Variants in CACNA2D2 observed in about 807,000 individuals in gnomAD.
CACNA2D2 encodes calcium voltage-gated channel auxiliary subunit alpha2delta 2.
CACNA2D2 carries 48 observed loss-of-function variants against 166.4 expected under a neutral mutation model. The ratio of observed to expected loss-of-function variants is 0.29; its 90% confidence interval spans 0.23 to 0.37. The LOEUF is 0.37. CACNA2D2 is among the 10% of genes least tolerant of loss of function. The pLI is 1.00. For synonymous variants in CACNA2D2, 561 were observed against 573.7 expected (o/e 0.98, Z 0.32); for missense variants, 1,122 against 1,433.0 (o/e 0.78, Z 3.50).
At chr3:50,478,133 C>T (rs955921719) in intron 1 of CACNA2D2, among the ~76,000 whole-genome samples, 3 of 152,190 alleles carry the variant, frequency 2.0e-5, no homozygotes, top group Non-Finnish European at 2.9e-5. Context: ...TTCCCTCCTC[C>T]GCTCCCCACC....
Position 50,367,348 on chromosome 3 carries a change from G to C in CACNA2D2, c.2401+46C>G. 1 of 1,539,340 alleles carries C rather than the reference G, an allele frequency of 6.5e-7. No individual in the cohort carries two copies. Among genetic ancestry groups the C allele is most frequent in the Non-Finnish European group, 9.0e-7 (1 of 1,114,732 alleles). On this transcript the variant is annotated intron_variant, in intron 27 of 37. Coordinates refer to ENST00000424201, the MANE Select transcript of CACNA2D2 (RefSeq NM_006030.4). This position sits in a 1 kb window ranked among gnomAD's most constrained non-coding sequence, Gnocchi z 6.5. ...CAGTTCTGGCTGAGCAGACAGGGAA[G>C]CTGAGGCTCCCTGCCTGCTGCTGGG...
In CACNA2D2 at chr3:50,365,499, C is replaced by A. The variant is rs1704205114; in HGVS notation, c.2972-17G>T. ...CCGCGGGGTCTGCGAGGGCCCAGAG[C>A]GCCTCAGCTCCGCCCACAGACCCTG... On this transcript the variant is annotated splice_polypyrimidine_tract_variant and intron_variant, in intron 34 of 37. Transcript: ENST00000424201. The surrounding 1 kb of genome is among the most constrained non-coding windows in gnomAD (Gnocchi z 4.5). The A allele has an allele frequency of 6.2e-7, 1 of 1,611,742 alleles. No individual in the cohort carries two copies. The highest frequency in any genetic ancestry group is 8.5e-7 in the Non-Finnish European group (1 of 1,179,290).
At chr3:50,378,491 C>A (rs892323453) in intron 13 of CACNA2D2, among the ~76,000 whole-genome samples, 158 bp from the exon 14 acceptor site, 1 of 152,216 alleles carries the variant, frequency 6.6e-6, no homozygotes, top group African/African-American at 2.4e-5. Context: ...CTCTGCCCTG[C>A]CAAGGGCGGT....
chr3:50,407,786 G>C (rs1169889520), intron 3 of CACNA2D2, among the ~76,000 whole-genome samples: 1 of 152,238 alleles, frequency 6.6e-6, no homozygotes, highest in Non-Finnish European at 1.5e-5. Flanking sequence ...GTATGGTTAG[G>C]CTAAGCCAGG....
intron 2 of CACNA2D2, among the ~76,000 whole-genome samples, chr3:50,440,240 G>A (rs1165321950): frequency 2.0e-5 from 3 of 152,254 alleles, no homozygotes; most frequent in Admixed American, 6.5e-5. Context: ...GCTAAGGCCT[G>A]TCCCTCACCA....
chr3:50,385,300 G>A (rs1705536371), intron 5 of CACNA2D2, among the ~76,000 whole-genome samples: 1 of 152,146 alleles, frequency 6.6e-6, no homozygotes, highest in African/African-American at 2.4e-5. Context: ...GGGCTTCCTA[G>A]GCTGATAGGA....
chr3:50,403,906 A>G (rs1706566333), intron 3 of CACNA2D2, among the ~76,000 whole-genome samples: 1 of 152,040 alleles, frequency 6.6e-6, no homozygotes. Context: ...GGTTCCCACA[A>G]TTGCCCTGGG....
At chr3:50,395,562 C>T (rs1706108834) in intron 3 of CACNA2D2, among the ~76,000 whole-genome samples, 2 of 152,238 alleles carry the variant, frequency 1.3e-5, no homozygotes. Context: ...CAGGACACCT[C>T]ACCCCCATCC....
rs752536418 is a variant in CACNA2D2 at position 50,379,140 on chromosome 3, C to T, written c.1212G>A (p.Glu404=). 3.1e-6 allele frequency: 5 copies of T among 1,613,892 alleles called. No homozygotes were observed. The highest frequency in any genetic ancestry group is 3.4e-6 in the Non-Finnish European group (4 of 1,180,010). Residue 404 remains glutamate (E), a synonymous_variant, in exon 12 of 38, where the codon GAG becomes GAA. Coordinates refer to ENST00000424201, the MANE Select transcript of CACNA2D2 (RefSeq NM_006030.4). This position sits in a 1 kb window ranked among gnomAD's most constrained non-coding sequence, Gnocchi z 6.5. ...TCTCAAAGACGTCCTGCACGCGGTC[C>T]TCACCACCATCCGTGAACATCATGA... is the stretch of plus-strand genomic sequence containing the variant. ...KMIMMFTDGG[E]DRVQDVFEKY...
intron 13 of CACNA2D2, 107 bp downstream of exon 13, chr3:50,378,808 G>T: frequency 2.3e-6 from 3 of 1,331,460 alleles, no homozygotes; most frequent in Non-Finnish European, 2.1e-6. Flanking sequence ...ACACTGTCTT[G>T]CAGCGGGTGA....
chr3:50,459,813 C>T (rs560858890), intron 2 of CACNA2D2, among the ~76,000 whole-genome samples: 1 of 152,310 alleles, frequency 6.6e-6, no homozygotes, highest in South Asian at 2.1e-4. Flanking sequence ...CTGGCTGCCT[C>T]CTGGGGAGGG....
At position 50,362,833 on chromosome 3, in the gene CACNA2D2, G is replaced by A. The variant is rs1483667260; in HGVS notation, c.*1833C>T. On this transcript the variant is annotated 3_prime_UTR_variant, in exon 38 of 38. Coordinates refer to ENST00000424201, the MANE Select transcript of CACNA2D2 (RefSeq NM_006030.4). ...AAAATATGAACATTATTTAATAACT[G>A]ATCTTCTGTAATAAACCATTTGAAA... 1 of 294,274 alleles carries A rather than the reference G, an allele frequency of 3.4e-6. No individual in the cohort carries two copies. The highest frequency in any genetic ancestry group is 6.2e-6 in the Non-Finnish European group (1 of 161,848). The allele number at this position is 294,274 out of a possible 1,614,324, so 18.2% of individuals were successfully genotyped here.
At chr3:50,423,041 GTC>G (rs1707649836) in intron 3 of CACNA2D2, among the ~76,000 whole-genome samples, 1 of 152,168 alleles carries the variant, frequency 6.6e-6, no homozygotes, top group African/African-American at 2.4e-5. Context: ...TCCCCCATCT[GTC>G]TCTGACAGCT....
In CACNA2D2 at chr3:50,375,953, C is replaced by T; in HGVS notation, c.1773+10G>A. Reference sequence around the variant, plus strand: ...TCTGTCCCCCACCCCTGTTCTCCTCCTCTCCTTACCTCTTCCTTGTTCTCA... The same window carrying T: ...TCTGTCCCCCACCCCTGTTCTCCTCTTCTCCTTACCTCTTCCTTGTTCTCA... On this transcript the variant is annotated intron_variant, in intron 19 of 37. Transcript: ENST00000424201. The surrounding 1 kb of genome is among the most constrained non-coding windows in gnomAD (Gnocchi z 4.0). 1 of 1,613,216 alleles carries T rather than the reference C, an allele frequency of 6.2e-7. No individual in the cohort carries two copies. Among genetic ancestry groups the T allele is most frequent in the Non-Finnish European group, 8.5e-7 (1 of 1,179,934 alleles).
At chr3:50,396,330 A>G (rs1408196274) in intron 3 of CACNA2D2, among the ~76,000 whole-genome samples, 1 of 151,836 alleles carries the variant, frequency 6.6e-6, no homozygotes, top group Non-Finnish European at 1.5e-5. Flanking sequence ...CTCATCACCT[A>G]TTCTCCACAC....
Position 50,364,435 on chromosome 3 carries a change from G to T in CACNA2D2, c.*231C>A. ...GAGCCCAGCAGGCAAGAAGGGTCTGGGGACACTTGAACAGTTCGGAGGTGA... is the reference window on the plus strand; with the variant it reads ...GAGCCCAGCAGGCAAGAAGGGTCTGTGGACACTTGAACAGTTCGGAGGTGA... On this transcript the variant is annotated 3_prime_UTR_variant, in exon 38 of 38. Coordinates refer to ENST00000424201, the MANE Select transcript of CACNA2D2 (RefSeq NM_006030.4). The T allele has an allele frequency of 1.8e-6, 1 of 554,346 alleles. No homozygotes were observed. The allele number at this position is 554,346 out of a possible 1,614,324, so 34.3% of individuals were successfully genotyped here.
chr3:50,398,659 C>T (rs1180432908), intron 3 of CACNA2D2, among the ~76,000 whole-genome samples: 3 of 152,118 alleles, frequency 2.0e-5, no homozygotes, highest in East Asian at 1.9e-4. Context: ...CTGCCCATGG[C>T]GATGCGGCTA....
rs1707856393 is a variant in CACNA2D2, at chr3:50,427,481, C to CGTGCGCCTAATTGGCTCCACGT, written c.405+6810_405+6831dup. ...GCTGCTTGGGCGCTTGGCGCCCACG[C>CGTGCGCCTAATTGGCTCCACGT]GTGCGCCTAATTGGCTCCACGTGTC... is the stretch of plus-strand genomic sequence containing the variant. On this transcript the variant is annotated intron_variant, in intron 3 of 37. Transcript: ENST00000424201. The surrounding 1 kb of genome is among the most constrained non-coding windows in gnomAD (Gnocchi z 4.7). 6.6e-6 allele frequency among the ~76,000 whole-genome samples: 1 copy of CGTGCGCCTAATTGGCTCCACGT among 152,262 alleles called. No homozygotes were observed. Among genetic ancestry groups the CGTGCGCCTAATTGGCTCCACGT allele is most frequent in the Non-Finnish European group, 1.5e-5 (1 of 68,054 alleles).
chr3:50,455,758 G>A (rs761132808), intron 2 of CACNA2D2, among the ~76,000 whole-genome samples: 4 of 152,088 alleles, frequency 2.6e-5, no homozygotes, highest in Non-Finnish European at 5.9e-5. Context: ...GACCACACTT[G>A]GCAGCTTCCA....
Sources: gnomAD v4.1 joint callset for allele counts (sites outside exome capture counted in the v4.1 genomes callset) on GRCh38, gnomAD v4.1.1 for gene constraint, Gnocchi (gnomAD v3.1) non-coding constraint, MANE v1.5 for transcripts, NCBI Gene and HGNC (gene_info 2026-07-23, HGNC 2026-07-21) for gene names.